The following ZPLD1 variants were observed in gnomAD, a reference collection of about 807,000 sequenced individuals.
The protein encoded by ZPLD1 is zona pellucida like domain containing 1.
Under a neutral mutation model 47.2 loss-of-function variants are expected in ZPLD1, and 34 were observed. The ratio of observed to expected loss-of-function variants is 0.72; its 90% CI spans 0.55 to 0.96. The LOEUF is 0.96. ZPLD1 is among the 40% of genes least tolerant of loss of function. The pLI is 0.00. For synonymous variants in ZPLD1, 176 were observed against 186.2 expected, an observed-to-expected ratio of 0.95 and a Z score of 0.45; for missense variants, 512 against 505.8, an observed-to-expected ratio of 1.01 and a Z score of -0.12.
chr3:102,398,474 A>G (rs1285074406), intron 7 of ZPLD1, among the ~76,000 whole-genome samples: 1 of 152,018 alleles, frequency 6.6e-6, no homozygotes, highest in African/African-American at 2.4e-5. Context: ...TTCTCTTTCT[A>G]ATATAGATGT....
chr3:102,421,465 A>C (rs965029696), intron 8 of ZPLD1, among the ~76,000 whole-genome samples: 3 of 151,868 alleles, frequency 2.0e-5, no homozygotes, highest in African/African-American at 7.2e-5. Context: ...CCATAGGTAC[A>C]CACATTTAAA....
intron 7 of ZPLD1, among the ~76,000 whole-genome samples, chr3:102,397,583 C>A (rs1706572383): frequency 6.6e-6 from 1 of 152,044 alleles, no homozygotes; most frequent in Non-Finnish European, 1.5e-5. Flanking sequence ...TAAATTTTGA[C>A]AAGTAGTGAT....
At chr3:102,477,191 T>A (rs113319331) in intron 11 of ZPLD1, 150 bp downstream of exon 11, 13 of 985,960 alleles carry the variant, frequency 1.3e-5, no homozygotes, top group African/African-American at 6.6e-5. Context: ...TCATATGTGA[T>A]CTATTGGTCA....
At chr3:102,474,216 G>T (rs565839937) in intron 10 of ZPLD1, among the ~76,000 whole-genome samples, 1 of 152,268 alleles carries the variant, frequency 6.6e-6, no homozygotes, top group Non-Finnish European at 1.5e-5. Context: ...TGCTGAAAGT[G>T]CTTGGATAGG....
At chr3:102,423,200 C>T (rs1706900642) in intron 8 of ZPLD1, among the ~76,000 whole-genome samples, 1 of 152,084 alleles carries the variant, frequency 6.6e-6, no homozygotes, top group Non-Finnish European at 1.5e-5. Context: ...GCTTAAACTG[C>T]CATGTTGTAG....
upstream of ZPLD1, among the ~76,000 whole-genome samples, chr3:102,430,623 A>C (rs1254732268): frequency 6.6e-6 from 1 of 152,208 alleles, no homozygotes; most frequent in Non-Finnish European, 1.5e-5. Context: ...TATTCTTAGG[A>C]AAGGGTTGAC....
chr3:102,430,774 T>C (rs1004727230), upstream of ZPLD1, among the ~76,000 whole-genome samples: 1 of 152,236 alleles, frequency 6.6e-6, no homozygotes, highest in African/African-American at 2.4e-5. Context: ...TGCCTTCTCA[T>C]AAATATTTTG....
intron 4 of ZPLD1, among the ~76,000 whole-genome samples, chr3:102,455,705 T>A (rs1389060909): frequency 1.3e-5 from 2 of 152,114 alleles, no homozygotes; most frequent in South Asian, 4.2e-4. Context: ...ACTAATATGA[T>A]GGAGATAAAC....
At chr3:102,419,250 C>T (rs915037853) in intron 8 of ZPLD1, among the ~76,000 whole-genome samples, 2 of 151,882 alleles carry the variant, frequency 1.3e-5, no homozygotes, top group Non-Finnish European at 2.9e-5. Context: ...CACTAGCTTT[C>T]TCTCATGTGA....
At chr3:102,460,019 T>C (rs1707482003) in intron 6 of ZPLD1, among the ~76,000 whole-genome samples, 1 of 152,108 alleles carries the variant, frequency 6.6e-6, no homozygotes, top group Non-Finnish European at 1.5e-5. Flanking sequence ...TCATAGTATT[T>C]TGCCATTTTA....
intron 6 of ZPLD1, chr3:102,392,117 T>A (rs1009549460): frequency 6.6e-6 from 1 of 152,182 alleles, no homozygotes; most frequent in Non-Finnish European, 1.5e-5. Context: ...CAGAAAAAGT[T>A]TGCTGACTTC....
rs186072942 is a variant in ZPLD1 at position 102,391,756 on chromosome 3, T to G, written c.-212-414T>G. Among the ~76,000 whole-genome samples the G allele has an allele frequency of 2.6e-5, 4 of 152,056 alleles. No individual in the cohort carries two copies. In the East Asian group the frequency reaches 7.7e-4, roughly 29 times the overall value. ...ACAAATTGCAGATTTGCGAGCAAAATAAGTGATTATAATTGTAGTTTCAAG... is the reference window on the plus strand; with the variant it reads ...ACAAATTGCAGATTTGCGAGCAAAAGAAGTGATTATAATTGTAGTTTCAAG... On this transcript the variant is annotated intron_variant, in intron 6 of 17. Transcript: ENST00000491959.
At position 102,469,019 on chromosome 3, in the gene ZPLD1, C is replaced by A. The variant is rs534917731; in HGVS notation, c.817C>A (p.Arg273=). The A allele has an allele frequency of 1.9e-5, 31 of 1,614,070 alleles. No individual in the cohort carries two copies. Among genetic ancestry groups the A allele is most frequent in the Non-Finnish European group, 2.5e-5 (30 of 1,179,986 alleles). The change falls in exon 9 of 12, where the codon CGG becomes AGG. Residue 273 remains arginine, a synonymous_variant. Coordinates refer to ENST00000466937, the MANE Select transcript of ZPLD1 (RefSeq NM_001329788.2). ...TGAGAATGGCCGAAGCCAGCGGGGC[C>A]GGTTTTCTTTTGAAGTGTTCCGATT... ...VIENGRSQRG[R]FSFEVFRFVK... is the part of the protein sequence containing the mutation.
intron 6 of ZPLD1, among the ~76,000 whole-genome samples, chr3:102,391,432 A>G (rs1576122136): frequency 6.6e-6 from 1 of 152,028 alleles, no homozygotes; most frequent in East Asian, 1.9e-4. Context: ...CTTCCTCTTG[A>G]ATCTGAATGA....
At chr3:102,474,698 A>G (rs1707732848) in intron 10 of ZPLD1, among the ~76,000 whole-genome samples, 1 of 152,194 alleles carries the variant, frequency 6.6e-6, no homozygotes, top group Admixed American at 6.5e-5. Context: ...TTACATGAGA[A>G]AGCAGAGAAT....
At chr3:102,413,531 C>A (rs865947346) in intron 7 of ZPLD1, among the ~76,000 whole-genome samples, 2 of 151,652 alleles carry the variant, frequency 1.3e-5, no homozygotes, top group African/African-American at 4.8e-5. Context: ...CAATGACTAT[C>A]CTGAAACAAA....
At chr3:102,405,882 G>GT (rs1358789845) in intron 7 of ZPLD1, among the ~76,000 whole-genome samples, 1 of 151,924 alleles carries the variant, frequency 6.6e-6, no homozygotes, top group Non-Finnish European at 1.5e-5. Flanking sequence ...TTGGGCCTTG[G>GT]TTTTCTCTTT....
At chr3:102,415,378 G>A (rs1372417882) in intron 7 of ZPLD1, among the ~76,000 whole-genome samples, 1 of 151,638 alleles carries the variant, frequency 6.6e-6, no homozygotes, top group East Asian at 1.9e-4. Context: ...CTATTTTCTG[G>A]CTGCTGGATT....
chr3:102,470,028 A>G (rs1207904717), intron 9 of ZPLD1, among the ~76,000 whole-genome samples: 1 of 152,184 alleles, frequency 6.6e-6, no homozygotes, highest in African/African-American at 2.4e-5. Flanking sequence ...AGATGGGGGT[A>G]AATGGAGAGT....
Sources: gnomAD v4.1 joint callset for allele counts (sites outside exome capture counted in the v4.1 genomes callset) on GRCh38, gnomAD v4.1.1 for gene constraint, MANE v1.5 for transcripts, NCBI Gene and HGNC (gene_info 2026-07-23, HGNC 2026-07-21) for gene names.